Variants in MACF1 observed in about 807,000 individuals in gnomAD.
MACF1 encodes microtubule-actin cross-linking factor 1.
A neutral mutation model predicts 854.8 loss-of-function variants in MACF1; 193 were observed. The observed-to-expected ratio is 0.23, with a 90% CI of 0.20 to 0.25. The LOEUF (loss-of-function observed/expected upper bound fraction) is 0.25. Ranked by LOEUF, MACF1 falls within the 10% of genes least tolerant of loss-of-function variation. MACF1 has a pLI of 1.00. For synonymous variants in MACF1, 3,185 were observed against 3,226.7 expected (o/e 0.99, Z 0.44); for missense variants, 7,722 against 8,929.1 (o/e 0.86, Z 5.45).
chr1:39,282,418 A>G lies in MACF1; in HGVS notation c.695+44A>G, dbSNP rs372769393. On this transcript the variant is annotated intron_variant, in intron 7 of 100. Transcript: ENST00000564288. ...CTGTGCTCCTGCAGGGCTTTTTCTC[A>G]TCTCTTGTTTGTAATTAGTTATAAT... 147 of 1,568,384 alleles carry G rather than the reference A, an allele frequency of 9.4e-5. No homozygotes were observed. In the African/African-American group the frequency reaches 1.4e-3, roughly 14 times the overall value.
intron 1 of MACF1, among the ~76,000 whole-genome samples, chr1:39,221,134 C>T (rs1035266418): frequency 1.3e-5 from 2 of 152,116 alleles, no homozygotes; most frequent in Non-Finnish European, 2.9e-5. Flanking sequence ...GCAGTTGAGT[C>T]ATGCAGGGGA....
intron 52 of MACF1, among the ~76,000 whole-genome samples, chr1:39,374,815 A>G (rs1649568793): frequency 6.6e-6 from 1 of 152,144 alleles, no homozygotes. Flanking sequence ...CGTAAAACAA[A>G]ACATTTTGTT....
At position 39,211,379 on chromosome 1, in the gene MACF1, G is replaced by T. The variant is rs531798792; in HGVS notation, c.109+6248G>T. Among the ~76,000 whole-genome samples the T allele has an allele frequency of 3.9e-5, 6 of 152,164 alleles. 1 individual carries two copies. In the South Asian group the frequency reaches 1.2e-3, roughly 32 times the overall value. ...AACATTGAAGACATAGTGCTTTCCTGTGAACTGTTGGGATGAAACAGTAAT... is the reference window on the plus strand; with the variant it reads ...AACATTGAAGACATAGTGCTTTCCTTTGAACTGTTGGGATGAAACAGTAAT... On this transcript the variant is annotated intron_variant, in intron 1 of 100. Coordinates refer to ENST00000564288, the MANE Select transcript of MACF1 (RefSeq NM_001394062.1).
intron 85 of MACF1, 61 bp from the exon 86 acceptor site, chr1:39,452,095 A>G: frequency 1.5e-6 from 2 of 1,338,146 alleles, no homozygotes; most frequent in Non-Finnish European, 2.1e-6. Flanking sequence ...ATTATTTCCC[A>G]GTGGTTTCTT....
At chr1:39,281,692 A>G (rs1341674346) in intron 6 of MACF1, among the ~76,000 whole-genome samples, 1 of 152,148 alleles carries the variant, frequency 6.6e-6, no homozygotes, top group Non-Finnish European at 1.5e-5. Flanking sequence ...AGGTGCTACA[A>G]AGAATTCTAT....
chr1:39,226,374 G>A (rs1030748223), intron 1 of MACF1, among the ~76,000 whole-genome samples: 3 of 148,358 alleles, frequency 2.0e-5, no homozygotes, highest in Non-Finnish European at 4.4e-5. Flanking sequence ...GGAGTCTTGC[G>A]CTGTTGCCCG....
rs1646466505 is a variant in MACF1 at position 39,319,115 on chromosome 1, T to G, written c.3945+500T>G. ...TGGCTCACTTACCTACTATAAGCCTTTGAAGAAGTTATTTAGCTTCTCAGT... is the reference window on the plus strand; with the variant it reads ...TGGCTCACTTACCTACTATAAGCCTGTGAAGAAGTTATTTAGCTTCTCAGT... On this transcript the variant is annotated intron_variant, in intron 30 of 100. Coordinates refer to ENST00000564288, the MANE Select transcript of MACF1 (RefSeq NM_001394062.1). Among the ~76,000 whole-genome samples the G allele has an allele frequency of 2.0e-5, 3 of 152,288 alleles. No individual in the cohort carries two copies. In the South Asian group the frequency reaches 6.2e-4, roughly 32 times the overall value.
chr1:39,133,428 G>C (rs2148174461), intron 2 of MACF1, among the ~76,000 whole-genome samples: 1 of 151,990 alleles, frequency 6.6e-6, no homozygotes, highest in South Asian at 2.1e-4. Context: ...GTGTTTGAGG[G>C]CCTGGGGTTT....
chr1:39,200,735 G>A (rs1451087134), upstream of MACF1, among the ~76,000 whole-genome samples: 3 of 151,200 alleles, frequency 2.0e-5, no homozygotes, highest in Admixed American at 2.0e-4. Context: ...TCCAGGCCAG[G>A]TCTCTCCCTG....
chr1:39,227,502 G>C (rs1644730106), intron 1 of MACF1, among the ~76,000 whole-genome samples: 1 of 152,188 alleles, frequency 6.6e-6, no homozygotes, highest in Admixed American at 6.5e-5. Flanking sequence ...AGTGCTGATT[G>C]AGTGATTAGC....
intron 58 of MACF1, among the ~76,000 whole-genome samples, chr1:39,391,973 G>T (rs1451528144): frequency 6.6e-6 from 1 of 152,206 alleles, no homozygotes; most frequent in Non-Finnish European, 1.5e-5. Context: ...TGGAAGAAGA[G>T]TGGGAGAAGG....
chr1:39,200,824 C>T (rs1393210479), upstream of MACF1, among the ~76,000 whole-genome samples: 1 of 152,086 alleles, frequency 6.6e-6, no homozygotes, highest in Non-Finnish European at 1.5e-5. Context: ...CCTGTAATCC[C>T]AGCACTTTAG....
chr1:39,461,700 G>A lies in MACF1; in HGVS notation c.21524-183G>A, dbSNP rs148241719. ...CCAGCTACTCTGGAAGCTGAGGCAG[G>A]AGAATCACTTGAACCAGGGAGACGG... On this transcript the variant is annotated intron_variant, in intron 92 of 100. Transcript: ENST00000564288. Among the ~76,000 whole-genome samples, 177 of 149,964 alleles carry A rather than the reference G, an allele frequency of 1.2e-3. 1 individual carries two copies. The highest frequency in any genetic ancestry group is 4.3e-3 in the African/African-American group (175 of 40,648).
At chr1:39,289,887 G>A (rs993772204) in intron 15 of MACF1, among the ~76,000 whole-genome samples, 1 of 151,566 alleles carries the variant, frequency 6.6e-6, no homozygotes, top group Non-Finnish European at 1.5e-5. Flanking sequence ...TTTTAGTAGA[G>A]ATGGGGTTCA....
intron 1 of MACF1, among the ~76,000 whole-genome samples, chr1:39,219,283 T>C (rs1016283987): frequency 6.6e-5 from 10 of 152,234 alleles, no homozygotes; most frequent in Non-Finnish European, 1.3e-4. Context: ...CTAATAAATT[T>C]ATGGAGGTTA....
In MACF1 at chr1:39,357,670, G is replaced by A. The variant is rs1407087240; in HGVS notation, c.11720G>A (p.Gly3907Asp). ...EKELENMHKG[G>D]SSPETLPSLL... is the part of the protein sequence containing the mutation. ...GAGCTGGAGAACATGCATAAGGGAG[G>A]CAGCAGCCCCGAGACCCTTCCCTCC... Residue 3907 changes from glycine to aspartate, a missense_variant, in exon 45 of 101, where the codon GGC becomes GAC. This residue lies in a region of MACF1 where 2,807 missense variants were observed against 3,235.8 expected (regional missense o/e 0.87). Transcript: ENST00000564288. 2.5e-6 allele frequency: 4 copies of A among 1,614,164 alleles called. No homozygotes were observed. The highest frequency in any genetic ancestry group is 1.7e-5 in the Admixed American group (1 of 60,014).
At chr1:39,309,791 A>G (rs1404415634) in intron 24 of MACF1, 95 bp downstream of exon 24, 3 of 1,377,000 alleles carry the variant, frequency 2.2e-6, no homozygotes, top group Non-Finnish European at 1.0e-6. Context: ...TCCCCACCCA[A>G]ATGGAGTAAA....
intron 45 of MACF1, 64 bp from the exon 46 acceptor site, chr1:39,358,633 T>C (rs1246026976): frequency 6.6e-7 from 1 of 1,514,610 alleles, no homozygotes; most frequent in Admixed American, 1.9e-5. Context: ...CCTCTTTCTT[T>C]GGGCAGCTGC....
chr1:39,434,372 T>C, intron 68 of MACF1, 42 bp from the exon 69 acceptor site: 4 of 1,222,660 alleles, frequency 3.3e-6, no homozygotes, highest in Non-Finnish European at 4.7e-6. Context: ...GAGTTTATAA[T>C]AGTAATACTT....
Sources: allele counts gnomAD v4.1 joint callset (sites outside exome capture counted in the v4.1 genomes callset), GRCh38; gene constraint gnomAD v4.1.1; regional missense constraint gnomAD v4.1.1; transcripts MANE v1.5; gene names NCBI Gene and HGNC (gene_info 2026-07-23, HGNC 2026-07-21).